Variants in LANCL1 observed in about 807,000 individuals in gnomAD.
The protein encoded by LANCL1 is LanC like glutathione S-transferase 1, also known as glutathione S-transferase LANCL1.
Under a neutral mutation model 50.6 loss-of-function variants are expected in LANCL1, and 50 were observed. The observed-to-expected ratio is 0.99, with a 90% CI of 0.79 to 1.25. LANCL1 has a LOEUF of 1.25. Among genes scored for constraint, LANCL1 ranks in the 50% most tolerant of loss-of-function variants. LANCL1 has a pLI of 0.00. For missense variants in LANCL1, 532 were observed against 480.7 expected, an observed-to-expected ratio of 1.11 and a Z score of -1.00; for synonymous variants, 188 against 178.6, an observed-to-expected ratio of 1.05 and a Z score of -0.42.
intron 3 of LANCL1, among the ~76,000 whole-genome samples, chr2:210,465,785 G>C (rs1254962002): frequency 6.6e-6 from 1 of 152,196 alleles, no homozygotes; most frequent in Admixed American, 6.5e-5. Context: ...CAGCAGACAA[G>C]TTCCCAGGTA....
chr2:210,475,325 A>G (rs916875328), intron 2 of LANCL1, among the ~76,000 whole-genome samples: 1 of 152,100 alleles, frequency 6.6e-6, no homozygotes, highest in Non-Finnish European at 1.5e-5. Context: ...CTCATTTTCA[A>G]AACTAAATTT....
intron 4 of LANCL1, among the ~76,000 whole-genome samples, chr2:210,443,513 C>T (rs1055972932): frequency 9.2e-5 from 14 of 152,102 alleles, no homozygotes; most frequent in Admixed American, 5.2e-4. Flanking sequence ...AGGTAGCTTT[C>T]GACACTAAAT....
chr2:210,453,423 A>G (rs1185254875), intron 4 of LANCL1, among the ~76,000 whole-genome samples: 2 of 152,334 alleles, frequency 1.3e-5, no homozygotes, highest in Non-Finnish European at 1.5e-5. Flanking sequence ...CCCCAGGTAT[A>G]CAAGCTACAG....
At chr2:210,456,379 A>G (rs930448134) in intron 3 of LANCL1, among the ~76,000 whole-genome samples, 2 of 152,178 alleles carry the variant, frequency 1.3e-5, no homozygotes, top group Admixed American at 6.5e-5. Context: ...CTCATTTTGC[A>G]TGGGTAATCT....
At chr2:210,456,814 T>C (rs1255408820) in intron 3 of LANCL1, among the ~76,000 whole-genome samples, 2 of 152,192 alleles carry the variant, frequency 1.3e-5, no homozygotes, top group African/African-American at 2.4e-5. Context: ...TAAAAAGTGA[T>C]TAAACACAAG....
At position 210,473,503 on chromosome 2, in the gene LANCL1, G is replaced by A. The variant is rs73984627; in HGVS notation, c.82-1427C>T. Among the ~76,000 whole-genome samples, 512 of 152,260 alleles carry A rather than the reference G, an allele frequency of 3.4e-3. 2 individuals are homozygous for A. The highest frequency in any genetic ancestry group is 0.012 in the African/African-American group (485 of 41,544). ...AGTAATTAAAATTTCAGAACAATGT[G>A]GGGGAAAGTTACAAGGGTATAAACA... On this transcript the variant is annotated intron_variant, in intron 2 of 9. Transcript: ENST00000450366.
At chr2:210,435,346 T>C (rs879514237) in intron 9 of LANCL1, 41 bp downstream of exon 9, 11 of 1,463,660 alleles carry the variant, frequency 7.5e-6, no homozygotes, top group Non-Finnish European at 1.1e-5. Context: ...GAGAAGTAGA[T>C]GCTGATATTA....
In LANCL1 at chr2:210,476,704, T is replaced by A. The variant is rs900442156; in HGVS notation, c.-101A>T. ...CGCCTCCCGCGTCCTGAAGCCCTTC[T>A]CGGCCCTGGCCTCTCACCCCGCAGC... On this transcript the variant is annotated 5_prime_UTR_variant, in exon 1 of 10. Transcript: ENST00000450366. The A allele has an allele frequency of 2.6e-6, 3 of 1,173,912 alleles. No homozygotes were observed. The highest frequency in any genetic ancestry group is 3.2e-6 in the Non-Finnish European group (3 of 946,000). 72.7% of individuals were successfully genotyped at this position (1,173,912 alleles called of 1,614,324 possible).
At chr2:210,469,279 G>C (rs1371259972) in intron 3 of LANCL1, 1 of 152,172 alleles carries the variant, frequency 6.6e-6, no homozygotes, top group African/African-American at 2.4e-5. Context: ...ATAATGGGAG[G>C]AGAAGGTATT....
intron 7 of LANCL1, among the ~76,000 whole-genome samples, chr2:210,436,658 C>G (rs1235196807): frequency 6.6e-6 from 1 of 152,146 alleles, no homozygotes; most frequent in Non-Finnish European, 1.5e-5. Flanking sequence ...ACTGAGGAAG[C>G]AGCATTATTT....
chr2:210,463,097 C>T (rs1378724315), intron 3 of LANCL1, among the ~76,000 whole-genome samples: 1 of 152,158 alleles, frequency 6.6e-6, no homozygotes. Flanking sequence ...TTGGGTTGAA[C>T]CTTAACATTG....
intron 4 of LANCL1, among the ~76,000 whole-genome samples, chr2:210,448,284 A>G (rs1693405886): frequency 6.6e-6 from 1 of 152,214 alleles, no homozygotes; most frequent in African/African-American, 2.4e-5. Context: ...GCAGAAATAA[A>G]TAAGTTCTTT....
chr2:210,453,534 G>A (rs1315072118), intron 4 of LANCL1, among the ~76,000 whole-genome samples: 2 of 152,150 alleles, frequency 1.3e-5, no homozygotes, highest in Non-Finnish European at 2.9e-5. Flanking sequence ...TGGTCTCATT[G>A]AACACATTAA....
chr2:210,434,723 G>T (rs545981371), intron 9 of LANCL1, among the ~76,000 whole-genome samples, 160 bp from the exon 10 acceptor site: 3 of 151,878 alleles, frequency 2.0e-5, no homozygotes, highest in African/African-American at 7.3e-5. Context: ...TGATGGCCTC[G>T]TCCCTAAGGT....
rs1694244429 is a variant in LANCL1, at chr2:210,472,089, G to A, written c.82-13C>T. On this transcript the variant is annotated splice_polypyrimidine_tract_variant and intron_variant, in intron 2 of 9. Transcript: ENST00000450366. The stretch of plus-strand genomic sequence containing the variant: ...ACTCAGGAGTCAGCTAGATATTAAA[G>A]GAAAACAAGTATCAAAATAATGTGG... 1 of 1,569,772 alleles carries A rather than the reference G, an allele frequency of 6.4e-7. No individual in the cohort carries two copies. The highest frequency in any genetic ancestry group is 1.1e-5 in the South Asian group (1 of 90,228).
chr2:210,439,971 T>C (rs1265996100), intron 6 of LANCL1, among the ~76,000 whole-genome samples: 1 of 152,230 alleles, frequency 6.6e-6, no homozygotes. Context: ...CCCAAAATGA[T>C]GCTCTCCTGA....
intron 3 of LANCL1, among the ~76,000 whole-genome samples, chr2:210,466,618 G>A (rs1322135151): frequency 6.6e-6 from 1 of 152,178 alleles, no homozygotes; most frequent in Non-Finnish European, 1.5e-5. Context: ...GGCTGACCAA[G>A]ACCATGCTTG....
rs781492994 is a variant in LANCL1, at chr2:210,455,214, G to C, written c.300C>G (p.Thr100=). ...CACAAAGGAAGGTGATGGAGCGCTT[G>C]GTTAAGCAGTTCAGACTTTGCTTTA... ...GYVKQSLNCL[T]KRSITFLCGD... is the part of the protein sequence containing the mutation. Residue 100 remains threonine (T), a synonymous_variant, in exon 4 of 10, where the codon ACC becomes ACG. Coordinates refer to ENST00000450366, the MANE Select transcript of LANCL1 (RefSeq NM_006055.3). 4.0e-5 allele frequency: 64 copies of C among 1,613,328 alleles called. No homozygotes were observed. The highest frequency in any genetic ancestry group is 5.3e-5 in the Non-Finnish European group (63 of 1,179,716).
At chr2:210,469,350 G>A (rs138772695) in intron 3 of LANCL1, 4 of 152,212 alleles carry the variant, frequency 2.6e-5, no homozygotes, top group Non-Finnish European at 5.9e-5. Flanking sequence ...AGAGCTTTAC[G>A]TTATTTAGAC....
Sources: gnomAD v4.1 joint callset for allele counts (sites outside exome capture counted in the v4.1 genomes callset) on GRCh38, gnomAD v4.1.1 for gene constraint, MANE v1.5 for transcripts, NCBI Gene and HGNC (gene_info 2026-07-23, HGNC 2026-07-21) for gene names.